GABRB1: variants seen among roughly 807,000 people sequenced by gnomAD.
The protein encoded by GABRB1 is gamma-aminobutyric acid receptor subunit beta-1.
In GABRB1, 17 loss-of-function variants were observed where a neutral mutation model predicts 51.6. That is an observed-to-expected ratio of 0.33 (90% CI 0.23 to 0.49). The LOEUF is 0.49. GABRB1 is among the 20% of genes least tolerant of loss of function. GABRB1 has a pLI of 0.99. For synonymous variants in GABRB1, 247 were observed against 218.9 expected (o/e 1.13, Z -1.14); for missense variants, 410 against 600.6 (o/e 0.68, Z 3.32).
intron 3 of GABRB1, among the ~76,000 whole-genome samples, chr4:47,066,700 A>C (rs1727102012): frequency 6.6e-6 from 1 of 152,170 alleles, no homozygotes; most frequent in Non-Finnish European, 1.5e-5. Flanking sequence ...TTCCAATTCT[A>C]GTTCTCCTGC....
intron 3 of GABRB1, among the ~76,000 whole-genome samples, chr4:47,139,807 G>A (rs1205814843): frequency 6.6e-6 from 1 of 151,908 alleles, no homozygotes. Flanking sequence ...GCCTAGGGTG[G>A]GACCTGAGCT....
chr4:47,066,468 T>C (rs1300718076), intron 3 of GABRB1, among the ~76,000 whole-genome samples: 2 of 152,232 alleles, frequency 1.3e-5, no homozygotes, highest in Non-Finnish European at 2.9e-5. Context: ...TCTTTCAAAA[T>C]TGGAGTTAAT....
At chr4:47,268,699 T>G (rs1008868532) in intron 4 of GABRB1, among the ~76,000 whole-genome samples, 3 of 152,136 alleles carry the variant, frequency 2.0e-5, no homozygotes, top group Admixed American at 6.6e-5. Context: ...AAAAGCCACA[T>G]GGAAAAAGCA....
At chr4:47,063,375 C>T (rs550672669) in intron 3 of GABRB1, among the ~76,000 whole-genome samples, 2 of 152,230 alleles carry the variant, frequency 1.3e-5, no homozygotes, top group South Asian at 2.1e-4. Flanking sequence ...CTGAAAATCA[C>T]CATAACATAA....
chr4:47,415,491 T>G (rs962673182), intron 8 of GABRB1, among the ~76,000 whole-genome samples: 1 of 152,032 alleles, frequency 6.6e-6, no homozygotes, highest in East Asian at 1.9e-4. Flanking sequence ...TAGGATTGAG[T>G]CTTTTTGGAT....
At chr4:47,397,355 A>G (rs1728211522) in intron 5 of GABRB1, among the ~76,000 whole-genome samples, 1 of 152,232 alleles carries the variant, frequency 6.6e-6, no homozygotes. Flanking sequence ...TTTCTCAGCC[A>G]GCATGATTTC....
Position 47,056,735 on chromosome 4 carries a change from T to C in GABRB1, c.240+24251T>C, listed in dbSNP as rs141710237. Among the ~76,000 whole-genome samples, 453 of 152,246 alleles carry C rather than the reference T, an allele frequency of 3.0e-3. 1 individual carries two copies. Among genetic ancestry groups the C allele is most frequent in the South Asian group, 0.013 (65 of 4,826 alleles). On this transcript the variant is annotated intron_variant, in intron 3 of 8. Transcript: ENST00000295454. ...ATGATGATATGATCTTTACCAAATC[T>C]TCACTGGATGAAACAAACAGGGAAA... is the stretch of plus-strand genomic sequence containing the variant.
At chr4:47,058,193 G>A (rs1726700045) in intron 3 of GABRB1, among the ~76,000 whole-genome samples, 1 of 152,148 alleles carries the variant, frequency 6.6e-6, no homozygotes, top group African/African-American at 2.4e-5. Flanking sequence ...TCTATTTAGA[G>A]AACAAAGCAT....
intron 4 of GABRB1, among the ~76,000 whole-genome samples, chr4:47,309,095 A>G (rs1162809389): frequency 6.6e-6 from 1 of 152,164 alleles, no homozygotes; most frequent in Non-Finnish European, 1.5e-5. Context: ...AATTAAATGC[A>G]TACTCTTACA....
At chr4:47,012,926 T>C (rs1235465073) in intron 1 of GABRB1, among the ~76,000 whole-genome samples, 1 of 152,240 alleles carries the variant, frequency 6.6e-6, no homozygotes, top group African/African-American at 2.4e-5. Context: ...CCTGTGGATG[T>C]TGGTATTCCA....
At chr4:47,181,292 C>T (rs1215091022) in intron 4 of GABRB1, among the ~76,000 whole-genome samples, 2 of 151,892 alleles carry the variant, frequency 1.3e-5, no homozygotes, top group African/African-American at 4.8e-5. Context: ...CAGTTATATC[C>T]GTTATTCCAG....
chr4:47,127,741 T>C (rs1656050344), intron 3 of GABRB1, among the ~76,000 whole-genome samples: 1 of 151,886 alleles, frequency 6.6e-6, no homozygotes, highest in Non-Finnish European at 1.5e-5. Context: ...GGGAAGTATA[T>C]AGAGCTTTTT....
intron 4 of GABRB1, among the ~76,000 whole-genome samples, chr4:47,190,009 G>T (rs1323750501): frequency 6.6e-6 from 1 of 151,974 alleles, no homozygotes; most frequent in South Asian, 2.1e-4. Flanking sequence ...GAAAGATTTG[G>T]AAACTGCAGA....
intron 3 of GABRB1, among the ~76,000 whole-genome samples, chr4:47,051,906 A>G (rs184973946): frequency 1.1e-4 from 17 of 152,282 alleles, no homozygotes; most frequent in African/African-American, 4.1e-4. Flanking sequence ...AGGTGGGCAG[A>G]TCACTTGAGG....
At chr4:47,019,096 G>C (rs1279704529) in intron 1 of GABRB1, among the ~76,000 whole-genome samples, 2 of 152,076 alleles carry the variant, frequency 1.3e-5, no homozygotes, top group Non-Finnish European at 2.9e-5. Context: ...CAAAACTCAA[G>C]ACCTCAAAAT....
intron 4 of GABRB1, among the ~76,000 whole-genome samples, chr4:47,178,773 T>A (rs1718810416): frequency 6.6e-6 from 1 of 152,136 alleles, no homozygotes; most frequent in African/African-American, 2.4e-5. Flanking sequence ...TGCCAAGAAC[T>A]TTATTTCCTG....
intron 5 of GABRB1, among the ~76,000 whole-genome samples, chr4:47,329,731 T>C (rs185671035): frequency 5.1e-4 from 76 of 149,194 alleles, no homozygotes; most frequent in African/African-American, 1.8e-3. Context: ...TAGCTATCAA[T>C]ACCACTACAT....
intron 4 of GABRB1, among the ~76,000 whole-genome samples, chr4:47,187,547 C>T (rs1719232600): frequency 6.6e-6 from 1 of 151,816 alleles, no homozygotes; most frequent in Non-Finnish European, 1.5e-5. Context: ...TCACATTTCA[C>T]AAACAGACGT....
chr4:47,407,427 T>C (rs1424790329), intron 8 of GABRB1, among the ~76,000 whole-genome samples: 1 of 152,204 alleles, frequency 6.6e-6, no homozygotes, highest in African/African-American at 2.4e-5. Flanking sequence ...TTATAGTATG[T>C]CTATCTCACA....
Sources: allele counts gnomAD v4.1 joint callset (sites outside exome capture counted in the v4.1 genomes callset), GRCh38; gene constraint gnomAD v4.1.1; transcripts MANE v1.5; gene names NCBI Gene and HGNC (gene_info 2026-07-23, HGNC 2026-07-21).